Variants in CADPS2 observed in about 807,000 individuals in gnomAD.
The protein encoded by CADPS2 is calcium-dependent secretion activator 2.
CADPS2 carries 93 observed loss-of-function variants against 172.5 expected under a neutral mutation model. The ratio of observed to expected loss-of-function variants is 0.54; its 90% confidence interval spans 0.46 to 0.64. CADPS2 has a LOEUF of 0.64. CADPS2 is among the 30% of genes least tolerant of loss of function. The pLI, the probability that CADPS2 is intolerant of heterozygous loss-of-function variation, is 0.00. For missense variants in CADPS2, 1,420 were observed against 1,565.9 expected (o/e 0.91, Z 1.57); for synonymous variants, 546 against 555.2 (o/e 0.98, Z 0.23).
In CADPS2 at chr7:122,579,450, A is replaced by AATATATATATATAT. The variant is rs3034498; in HGVS notation, c.1335+1715_1335+1728dup. 1.9e-3 allele frequency among the ~76,000 whole-genome samples: 246 copies of AATATATATATATAT among 128,628 alleles called. 1 individual carries two copies. Among genetic ancestry groups the AATATATATATATAT allele is most frequent in the African/African-American group, 3.5e-3 (119 of 33,776 alleles). 84.4% of individuals were successfully genotyped at this position (128,628 alleles called of 152,430 possible). A position where few individuals can be genotyped will look rare whatever the true frequency, so the allele number is the denominator to read the frequency against. The stretch of plus-strand genomic sequence containing the variant: ...GTTTCTCAGATATAAAATTGCATCG[A>AATATATATATATAT]ATATATATATATATATATATATATA... On this transcript the variant is annotated intron_variant, in intron 7 of 29. Transcript: ENST00000449022.
chr7:122,783,268 C>T (rs1445300496), intron 1 of CADPS2, among the ~76,000 whole-genome samples: 4 of 151,324 alleles, frequency 2.6e-5, no homozygotes. Flanking sequence ...TGATATCTGG[C>T]TTGTAATTTT....
rs116340816 is a variant in CADPS2 at position 122,665,270 on chromosome 7, G to A, written c.454-1701C>T. ...CTGGGGCTGGCATGCTCAACCACCT[G>A]ACCCCAAGCCTTTTCCCACCACTTT... On this transcript the variant is annotated intron_variant, in intron 2 of 29. Transcript: ENST00000449022. Among the ~76,000 whole-genome samples, 1,153 of 152,206 alleles carry A rather than the reference G, an allele frequency of 7.6e-3. 13 individuals are homozygous for A. Among genetic ancestry groups the A allele is most frequent in the African/African-American group, 0.026 (1,089 of 41,536 alleles).
chr7:122,796,057 TA>T (rs1296907250), intron 1 of CADPS2, among the ~76,000 whole-genome samples: 3 of 152,094 alleles, frequency 2.0e-5, no homozygotes, highest in African/African-American at 7.2e-5. Context: ...AACATTCCTA[TA>T]CACCAAAAAC....
Position 122,777,953 on chromosome 7 carries a change from T to C in CADPS2, c.340-40885A>G, listed in dbSNP as rs62483611. On this transcript the variant is annotated intron_variant, in intron 1 of 29. Coordinates refer to ENST00000449022, the MANE Select transcript of CADPS2 (RefSeq NM_017954.11). ...AAAAATGTGAACTTGACTTTGGAACTGGGTAACAGGCAGAGGTTGGAATAG... is the reference window on the plus strand; with the variant it reads ...AAAAATGTGAACTTGACTTTGGAACCGGGTAACAGGCAGAGGTTGGAATAG... Among the ~76,000 whole-genome samples the C allele has an allele frequency of 7.7e-3, 1,176 of 152,184 alleles. 5 individuals carry two copies. The highest frequency in any genetic ancestry group is 0.012 in the Non-Finnish European group (794 of 67,996).
chr7:122,698,990 C>T (rs917862869), intron 2 of CADPS2: 13 of 1,129,022 alleles, frequency 1.2e-5, no homozygotes, highest in South Asian at 5.2e-5. Context: ...TTTAAAATAA[C>T]GAAGAGAAAA....
chr7:122,868,897 T>C (rs1056066537), intron 1 of CADPS2, among the ~76,000 whole-genome samples: 8 of 152,072 alleles, frequency 5.3e-5, no homozygotes, highest in Middle Eastern at 3.2e-3. Context: ...CTGAAGACTA[T>C]AATAACTGAG....
chr7:122,730,944 T>TA (rs2091580164), intron 2 of CADPS2, among the ~76,000 whole-genome samples: 1 of 150,170 alleles, frequency 6.7e-6, no homozygotes, highest in African/African-American at 2.4e-5. Flanking sequence ...ATTTTTGAGA[T>TA]AAAAATGAGT....
At chr7:122,424,554 T>C (rs1323959376) in intron 17 of CADPS2, 2 of 152,304 alleles carry the variant, frequency 1.3e-5, no homozygotes, top group East Asian at 1.9e-4. Context: ...GGGTGGAATA[T>C]TGAGGCATAA....
At chr7:122,461,787 G>A (rs1586275322) in intron 14 of CADPS2, among the ~76,000 whole-genome samples, 1 of 151,994 alleles carries the variant, frequency 6.6e-6, no homozygotes, top group Admixed American at 6.6e-5. Context: ...GTAGAGAGGG[G>A]GTTTCAACAT....
Position 122,760,550 on chromosome 7 carries a change from C to T in CADPS2, c.340-23482G>A, listed in dbSNP as rs148038715. 6.4e-3 allele frequency among the ~76,000 whole-genome samples: 971 copies of T among 151,896 alleles called. 11 individuals are homozygous for T. Among genetic ancestry groups the T allele is most frequent in the African/African-American group, 0.022 (928 of 41,436 alleles). On this transcript the variant is annotated intron_variant, in intron 1 of 29. Transcript: ENST00000449022. ...CCTGATAATGTAGAGAGTTCAGTAC[C>T]ATCCCTAGTTAATACCAAAGAATCC...
chr7:122,681,359 C>G, intron 2 of CADPS2: 1 of 1,472,992 alleles, frequency 6.8e-7, no homozygotes, highest in Non-Finnish European at 9.4e-7. Context: ...AAAAGGGCCG[C>G]GGCCACGTGC....
chr7:122,716,847 C>T lies in CADPS2; in HGVS notation c.453+20108G>A, dbSNP rs148546585. ...GAGGGGTGGGGAATGGAGGGAGGCC[C>T]AGAAAGGGAAACACTGATTTATAAA... On this transcript the variant is annotated intron_variant, in intron 2 of 29. Transcript: ENST00000449022. 7.3e-3 allele frequency among the ~76,000 whole-genome samples: 1,110 copies of T among 152,052 alleles called. 15 individuals carry two copies. Among genetic ancestry groups the T allele is most frequent in the African/African-American group, 0.025 (1,058 of 41,492 alleles).
At chr7:122,865,678 T>A (rs1053550128) in intron 1 of CADPS2, among the ~76,000 whole-genome samples, 8 of 152,242 alleles carry the variant, frequency 5.3e-5, no homozygotes, top group Non-Finnish European at 1.0e-4. Flanking sequence ...GTTGTGTTAT[T>A]GACCCACATT....
chr7:122,731,830 G>A (rs573342706), intron 2 of CADPS2, among the ~76,000 whole-genome samples: 9 of 151,684 alleles, frequency 5.9e-5, no homozygotes, highest in Non-Finnish European at 1.0e-4. Flanking sequence ...ATTCTGGTCC[G>A]TCCCTCTACC....
At chr7:122,803,102 A>T (rs1040005435) in intron 1 of CADPS2, among the ~76,000 whole-genome samples, 1 of 152,216 alleles carries the variant, frequency 6.6e-6, no homozygotes, top group Non-Finnish European at 1.5e-5. Context: ...AGGCCTCTTC[A>T]CTTCCTCCAA....
intron 4 of CADPS2, among the ~76,000 whole-genome samples, chr7:122,622,594 C>T (rs1228353328): frequency 6.6e-6 from 1 of 152,124 alleles, no homozygotes; most frequent in Admixed American, 6.6e-5. Flanking sequence ...GCACTTTGTT[C>T]CCTCACATTC....
chr7:122,369,127 T>TTCC (rs2041382927), intron 25 of CADPS2, among the ~76,000 whole-genome samples: 23 of 49,776 alleles, frequency 4.6e-4, no homozygotes, highest in South Asian at 1.2e-3. Flanking sequence ...AATTTTTGTT[T>TTCC]CCCCCCCCCC....
chr7:122,575,178 T>C lies in CADPS2; in HGVS notation c.1335+6001A>G, dbSNP rs181932709. Among the ~76,000 whole-genome samples the C allele has an allele frequency of 7.9e-3, 1,153 of 145,134 alleles. 15 individuals carry two copies. The highest frequency in any genetic ancestry group is 0.028 in the African/African-American group (1,117 of 39,842). On this transcript the variant is annotated intron_variant, in intron 7 of 29. Coordinates refer to ENST00000449022, the MANE Select transcript of CADPS2 (RefSeq NM_017954.11). Reference sequence around the variant, plus strand: ...CTTAAAAATGTCATTATAATAAAAGTAAAAAAAAAAGGTGGTGGGAGCATC... The same window carrying C: ...CTTAAAAATGTCATTATAATAAAAGCAAAAAAAAAAGGTGGTGGGAGCATC...
chr7:122,371,738 T>C (rs942409704), intron 25 of CADPS2, among the ~76,000 whole-genome samples: 1 of 152,100 alleles, frequency 6.6e-6, no homozygotes, highest in African/African-American at 2.4e-5. Context: ...AGGGAGTGTT[T>C]AGGAGACTGA....
Sources: allele counts gnomAD v4.1 joint callset (sites outside exome capture counted in the v4.1 genomes callset), GRCh38; gene constraint gnomAD v4.1.1; transcripts MANE v1.5; gene names NCBI Gene and HGNC (gene_info 2026-07-23, HGNC 2026-07-21).